CFH: variants seen among roughly 807,000 people sequenced by gnomAD.
CFH encodes the protein complement factor H.
CFH carries 53 observed loss-of-function variants against 147.3 expected under a neutral mutation model. That is an observed-to-expected ratio of 0.36 (90% CI 0.29 to 0.45). The LOEUF (loss-of-function observed/expected upper bound fraction) is 0.45, where lower values mean the gene tolerates loss of function less well. Among genes scored for constraint, CFH ranks in the 20% least tolerant of loss-of-function variants. The pLI, the probability that CFH is intolerant of heterozygous loss-of-function variation, is 1.00. For synonymous variants in CFH, 536 were observed against 489.4 expected (o/e 1.10, Z -1.26); for missense variants, 1,380 against 1,498.0 (o/e 0.92, Z 1.30).
intron 1 of CFH, among the ~76,000 whole-genome samples, chr1:196,669,004 A>G (rs998397254): frequency 4.6e-5 from 7 of 152,174 alleles, no homozygotes; most frequent in Middle Eastern, 3.2e-3. Flanking sequence ...AGACTTGTTG[A>G]ATGCTTTAGA....
At chr1:196,714,656 TATATATATATATAGAG>T (rs1668812162) in intron 10 of CFH, among the ~76,000 whole-genome samples, 1 of 49,352 alleles carries the variant, frequency 2.0e-5, no homozygotes, top group Non-Finnish European at 3.9e-5. Context: ...TATATATATA[TATATATATATATAGAG>T]AGAGAGAGAG....
At chr1:196,696,144 C>T (rs952343645) in intron 9 of CFH, among the ~76,000 whole-genome samples, 18 of 152,032 alleles carry the variant, frequency 1.2e-4, no homozygotes, top group Admixed American at 4.6e-4. Flanking sequence ...GAACTCTCCA[C>T]CAGAAGTCAA....
chr1:196,721,750 G>A (rs912750237), intron 11 of CFH, among the ~76,000 whole-genome samples: 3 of 151,536 alleles, frequency 2.0e-5, no homozygotes, highest in Non-Finnish European at 4.4e-5. Flanking sequence ...GGTTTTGAGT[G>A]CATATATATT....
At chr1:196,671,831 A>G (rs1667291835) in intron 1 of CFH, among the ~76,000 whole-genome samples, 1 of 149,604 alleles carries the variant, frequency 6.7e-6, no homozygotes, top group Admixed American at 6.7e-5. Context: ...TCTTATATAT[A>G]TATAATCTTA....
At position 196,714,668 on chromosome 1, in the gene CFH, T is replaced by TAGAGAGAGAG. The variant is rs1205328020; in HGVS notation, c.1519+793_1519+802dup. On this transcript the variant is annotated intron_variant, in intron 10 of 21. Coordinates refer to ENST00000367429, the MANE Select transcript of CFH (RefSeq NM_000186.4). Reference sequence around the variant, plus strand: ...ATATATATATATATATATATATATATAGAGAGAGAGAGAGAGAGAGAGAGA... The same window carrying TAGAGAGAGAG: ...ATATATATATATATATATATATATATAGAGAGAGAGAGAGAGAGAGAGAGAGAGAGAGAGA... Among the ~76,000 whole-genome samples the TAGAGAGAGAG allele has an allele frequency of 5.6e-4, 12 of 21,310 alleles. 2 individuals carry two copies. The highest frequency in any genetic ancestry group is 7.9e-4 in the Admixed American group (1 of 1,272). 14.0% of individuals were successfully genotyped at this position (21,310 alleles called of 152,430 possible).
At chr1:196,687,436 TTA>T in intron 7 of CFH, among the ~76,000 whole-genome samples, 1 of 152,130 alleles carries the variant, frequency 6.6e-6, no homozygotes, top group Admixed American at 6.6e-5. Context: ...TGTGGTAATG[TTA>T]TATGTTTTTA....
intron 17 of CFH, among the ~76,000 whole-genome samples, chr1:196,739,122 T>C (rs1161927242): frequency 3.3e-5 from 5 of 152,214 alleles, no homozygotes; most frequent in Admixed American, 1.3e-4. Context: ...GTCCTGAGGC[T>C]GCATAGAGCA....
chr1:196,726,731 CAAT>C (rs1369366841), intron 13 of CFH, 27 bp from the exon 14 acceptor site: 1 of 1,611,656 alleles, frequency 6.2e-7, no homozygotes, highest in East Asian at 2.2e-5. Context: ...CATGTTTTCA[CAAT>C]AAACTTTTTT....
intron 1 of CFH, among the ~76,000 whole-genome samples, chr1:196,660,555 G>T (rs957511895): frequency 2.6e-5 from 4 of 152,148 alleles, no homozygotes; most frequent in African/African-American, 9.7e-5. Flanking sequence ...GACAGATGAT[G>T]ATCTGAACTA....
At chr1:196,705,928 T>A (rs1668573546) in intron 9 of CFH, among the ~76,000 whole-genome samples, 1 of 152,184 alleles carries the variant, frequency 6.6e-6, no homozygotes, top group Admixed American at 6.5e-5. Context: ...TAAATAAACC[T>A]ATACATGATT....
In CFH at chr1:196,673,036, C is replaced by T; in HGVS notation, c.117C>T (p.Asp39=). Residue 39 remains aspartate (D), a synonymous_variant, in exon 2 of 22, where the codon GAC becomes GAT. Transcript: ENST00000367429. ...NTEILTGSWS[D]QTYPEGTQAI... is the part of the protein sequence containing the mutation. ...AAATTCTGACAGGTTCCTGGTCTGA[C>T]CAAACATATCCAGAAGGCACCCAGG... 6.2e-7 allele frequency: 1 copy of T among 1,614,028 alleles called. No individual in the cohort carries two copies. The highest frequency in any genetic ancestry group is 8.5e-7 in the Non-Finnish European group (1 of 1,179,966).
In CFH at chr1:196,745,585, A is replaced by G. The variant is rs61822182; in HGVS notation, c.3311-232A>G. On this transcript the variant is annotated intron_variant, in intron 20 of 21. Coordinates refer to ENST00000367429, the MANE Select transcript of CFH (RefSeq NM_000186.4). ...AGACATTTCTTAATCCTGGTCTACC[A>G]TAAGCAGCAATATTTGTTAATGTTT... Among the ~76,000 whole-genome samples the G allele has an allele frequency of 2.2e-3, 328 of 152,346 alleles. 1 individual carries two copies. The highest frequency in any genetic ancestry group is 0.01 in the Middle Eastern group (3 of 294).
chr1:196,702,914 C>T (rs1055138434), intron 9 of CFH, among the ~76,000 whole-genome samples: 2 of 152,240 alleles, frequency 1.3e-5, no homozygotes, highest in South Asian at 2.1e-4. Context: ...ATTCTTAGAA[C>T]AAGTCTTTGA....
chr1:196,736,861 T>C lies in CFH; in HGVS notation c.2451T>C (p.Ile817=). 1 of 1,569,462 alleles carries C rather than the reference T, an allele frequency of 6.4e-7. No individual in the cohort carries two copies. Among genetic ancestry groups the C allele is most frequent in the Non-Finnish European group, 8.7e-7 (1 of 1,155,774 alleles). Residue 817 remains isoleucine, a synonymous_variant, in exon 16 of 22, where the codon ATT becomes ATC. Coordinates refer to ENST00000367429, the MANE Select transcript of CFH (RefSeq NM_000186.4). ...QIQLCPPPPQ[I]PNSHNMTTTL... is the part of the protein sequence containing the mutation. ...AATTATGCCCACCTCCACCTCAGATTCCCAATTCTCACAATATGACAACCA... is the reference window on the plus strand; with the variant it reads ...AATTATGCCCACCTCCACCTCAGATCCCCAATTCTCACAATATGACAACCA...
chr1:196,730,329 TTTGACCCTATGA>T lies in CFH; in HGVS notation c.2413+1811_2413+1822del, dbSNP rs780316230. Among the ~76,000 whole-genome samples, 325 of 152,010 alleles carry T rather than the reference TTTGACCCTATGA, an allele frequency of 2.1e-3. 2 individuals are homozygous for T. Among genetic ancestry groups the T allele is most frequent in the Non-Finnish European group, 2.9e-3 (197 of 67,820 alleles). ...ATATTTTTAAATTTATTTAAAATGGTTTGACCCTATGATTGTTTCAGAGCATATTGTCTAATT... is the reference window on the plus strand; with the variant it reads ...ATATTTTTAAATTTATTTAAAATGGTTTGTTTCAGAGCATATTGTCTAATT... On this transcript the variant is annotated intron_variant, in intron 15 of 21. Coordinates refer to ENST00000367429, the MANE Select transcript of CFH (RefSeq NM_000186.4).
chr1:196,721,185 T>C (rs1271328551), intron 11 of CFH, among the ~76,000 whole-genome samples: 4 of 152,162 alleles, frequency 2.6e-5, no homozygotes, highest in Middle Eastern at 6.8e-3. Context: ...TTCAGTTCTT[T>C]GCAGATTCTG....
chr1:196,743,408 C>T (rs1298573481), intron 19 of CFH, 44 bp from the exon 20 acceptor site: 1 of 1,611,376 alleles, frequency 6.2e-7, no homozygotes, highest in African/African-American at 1.3e-5. Context: ...ATTTGCTACT[C>T]AAAATGAACA....
intron 6 of CFH, among the ~76,000 whole-genome samples, chr1:196,684,548 C>T (rs533716773): frequency 3.3e-5 from 5 of 151,740 alleles, no homozygotes; most frequent in Admixed American, 6.6e-5. Context: ...GGAAAGAGAA[C>T]ATAAAAATTC....
At chr1:196,711,821 G>A (rs1215529316) in intron 9 of CFH, among the ~76,000 whole-genome samples, 1 of 152,006 alleles carries the variant, frequency 6.6e-6, no homozygotes, top group African/African-American at 2.4e-5. Context: ...TTCTTCATCT[G>A]ATAGGTATCC....
Sources: allele counts gnomAD v4.1 joint callset (sites outside exome capture counted in the v4.1 genomes callset), GRCh38; gene constraint gnomAD v4.1.1; transcripts MANE v1.5; gene names NCBI Gene and HGNC (gene_info 2026-07-23, HGNC 2026-07-21).